Variants in SNX25 observed in about 807,000 individuals in gnomAD.
SNX25 encodes sorting nexin 25, also known as sorting nexin-25.
A neutral mutation model predicts 113.7 loss-of-function variants in SNX25; 62 were observed. That is an observed-to-expected ratio of 0.55 (90% CI 0.44 to 0.67). SNX25 has a LOEUF of 0.67. SNX25 is among the 30% of genes least tolerant of loss of function. The probability of loss-of-function intolerance (pLI) is 0.00; values close to 1 mark genes in which losing one functional copy is unlikely to be tolerated. For synonymous variants in SNX25, 421 were observed against 436.2 expected, an observed-to-expected ratio of 0.97 and a Z score of 0.43; for missense variants, 1,014 against 1,161.0, an observed-to-expected ratio of 0.87 and a Z score of 1.84.
chr4:185,239,983 T>G (rs6823397), intron 1 of SNX25, among the ~76,000 whole-genome samples: 15,224 of 146,192 alleles, frequency 0.1, 913 homozygotes, highest in Middle Eastern at 0.14. Flanking sequence ...CGAGCATGCT[T>G]CCTTCAAGCA....
chr4:185,362,206 A>C (rs2095367897), intron 17 of SNX25, 101 bp downstream of exon 17: 2 of 1,419,640 alleles, frequency 1.4e-6, no homozygotes, highest in African/African-American at 1.4e-5. Flanking sequence ...CATTCTTTAC[A>C]ATGAAAAAAA....
At chr4:185,346,736 G>T in intron 13 of SNX25, 86 bp downstream of exon 13, 1 of 882,648 alleles carries the variant, frequency 1.1e-6, no homozygotes, top group Non-Finnish European at 1.7e-6. Context: ...TTGGTAGTTT[G>T]CTTTTTGTTC....
intron 6 of SNX25, among the ~76,000 whole-genome samples, chr4:185,304,921 C>G (rs760303612): frequency 6.6e-6 from 1 of 152,140 alleles, no homozygotes; most frequent in African/African-American, 2.4e-5. Flanking sequence ...CTGCATTTCA[C>G]GAGAAGACCT....
intron 4 of SNX25, among the ~76,000 whole-genome samples, chr4:185,265,668 T>A (rs906222699): frequency 6.6e-6 from 1 of 152,214 alleles, no homozygotes; most frequent in Non-Finnish European, 1.5e-5. Flanking sequence ...TTACTATAAC[T>A]TTTTTTACTT....
intron 6 of SNX25, among the ~76,000 whole-genome samples, chr4:185,299,556 C>G (rs185198718): frequency 1.3e-5 from 2 of 152,296 alleles, no homozygotes; most frequent in East Asian, 3.9e-4. Flanking sequence ...GTCCAGGAAT[C>G]ACACTGAGAA....
chr4:185,250,099 G>A (rs1402536665), intron 2 of SNX25, among the ~76,000 whole-genome samples: 1 of 152,184 alleles, frequency 6.6e-6, no homozygotes, highest in Non-Finnish European at 1.5e-5. Flanking sequence ...TTAGTATGCA[G>A]TTTAATTAAT....
intron 12 of SNX25, among the ~76,000 whole-genome samples, chr4:185,344,389 C>T (rs1446143674): frequency 3.3e-5 from 5 of 152,106 alleles, no homozygotes; most frequent in Non-Finnish European, 7.4e-5. Flanking sequence ...AAGCATCCGG[C>T]GCCACTGTGG....
intron 2 of SNX25, among the ~76,000 whole-genome samples, chr4:185,257,771 C>T (rs1018031501): frequency 6.6e-5 from 10 of 152,040 alleles, no homozygotes; most frequent in Admixed American, 6.6e-4. Flanking sequence ...TAGCACTGGT[C>T]TATGGCTAGG....
At chr4:185,245,935 T>C (rs1255409508) in intron 1 of SNX25, among the ~76,000 whole-genome samples, 1 of 152,208 alleles carries the variant, frequency 6.6e-6, no homozygotes, top group East Asian at 1.9e-4. Flanking sequence ...AAATTCCTTA[T>C]ACATGTACTT....
downstream of SNX25, chr4:185,367,085 T>C (rs2095390459): frequency 2.8e-6 from 3 of 1,061,314 alleles, no homozygotes; most frequent in East Asian, 7.3e-5. Context: ...GATAGTGTAA[T>C]TTGTGATGTG....
chr4:185,320,831 G>A lies in SNX25; in HGVS notation c.1443G>A (p.Trp481Ter), dbSNP rs145824512. The A allele has an allele frequency of 6.2e-7, 1 of 1,604,584 alleles. No individual in the cohort carries two copies. The highest frequency in any genetic ancestry group is 1.3e-5 in the African/African-American group (1 of 74,774). ...ACAAAAGAGCTCTGATTAGTTTTTG[G>A]GAATCTGTGGAACATTTAAAGAATG... ...RMDKRALISF[W>*]ESVEHLKNAN... The change falls in exon 8 of 19, where the codon TGG becomes TGA. Residue 481 changes from tryptophan (W) to a stop codon, truncating the protein, a stop_gained. Transcript: ENST00000652585. LOFTEE classifies it high-confidence loss of function.
intron 1 of SNX25, among the ~76,000 whole-genome samples, chr4:185,240,563 G>A (rs1393206051): frequency 6.7e-6 from 1 of 150,022 alleles, no homozygotes; most frequent in Non-Finnish European, 1.5e-5. Context: ...CGGCTGGCCG[G>A]GCAGAGGGGC....
At chr4:185,249,630 CCT>C (rs1246925124) in intron 2 of SNX25, among the ~76,000 whole-genome samples, 1 of 151,768 alleles carries the variant, frequency 6.6e-6, no homozygotes, top group Non-Finnish European at 1.5e-5. Flanking sequence ...ATCTTTTTTT[CCT>C]CTCTGTTCTT....
intron 3 of SNX25, among the ~76,000 whole-genome samples, 160 bp downstream of exon 3, chr4:185,259,224 ATT>A (rs565329633): frequency 6.8e-6 from 1 of 146,612 alleles, no homozygotes; most frequent in Admixed American, 6.8e-5. Flanking sequence ...CTGGTAGAGT[ATT>A]TTTTTTTTTT....
At chr4:185,333,300 C>T (rs1211333073) in intron 10 of SNX25, among the ~76,000 whole-genome samples, 1 of 152,198 alleles carries the variant, frequency 6.6e-6, no homozygotes, top group African/African-American at 2.4e-5. Context: ...AGGTTTCTCT[C>T]ATATAGATAT....
chr4:185,362,804 C>T, intron 18 of SNX25, 93 bp downstream of exon 18: 1 of 812,550 alleles, frequency 1.2e-6, no homozygotes, highest in Non-Finnish European at 2.0e-6. Context: ...GGCTGCAGCA[C>T]TCTCATTCTC....
chr4:185,252,752 A>G (rs888062260), intron 2 of SNX25, among the ~76,000 whole-genome samples: 1 of 152,198 alleles, frequency 6.6e-6, no homozygotes, highest in Non-Finnish European at 1.5e-5. Flanking sequence ...GTCTTTACAG[A>G]TTGAATTACA....
rs78570513 is a variant in SNX25, at chr4:185,289,896, A to T, written c.1162+1814A>T. On this transcript the variant is annotated intron_variant, in intron 6 of 18. Transcript: ENST00000652585. ...AAAGTGCAAGCTGGGTGGTTTAAACAACAGGAATTAATTTTCTCACAGTTC... is the reference window on the plus strand; with the variant it reads ...AAAGTGCAAGCTGGGTGGTTTAAACTACAGGAATTAATTTTCTCACAGTTC... Among the ~76,000 whole-genome samples, 1,261 of 152,300 alleles carry T rather than the reference A, an allele frequency of 8.3e-3. 11 individuals are homozygous for T. The highest frequency in any genetic ancestry group is 0.028 in the African/African-American group (1,168 of 41,546).
chr4:185,307,625 A>T (rs1205652409), intron 6 of SNX25, among the ~76,000 whole-genome samples: 1 of 152,148 alleles, frequency 6.6e-6, no homozygotes, highest in African/African-American at 2.4e-5. Context: ...GCATCCAGCT[A>T]TGTCTGCAAA....
Sources: allele counts gnomAD v4.1 joint callset (sites outside exome capture counted in the v4.1 genomes callset), GRCh38; gene constraint gnomAD v4.1.1; transcripts MANE v1.5; gene names NCBI Gene and HGNC (gene_info 2026-07-23, HGNC 2026-07-21).